The following WDPCP variants were observed in gnomAD, a reference collection of about 807,000 sequenced individuals.
WDPCP encodes WD repeat-containing and planar cell polarity effector protein fritz homolog.
WDPCP carries 71 observed loss-of-function variants against 93.1 expected under a neutral mutation model. The ratio of observed to expected loss-of-function variants is 0.76; its 90% CI spans 0.63 to 0.93. WDPCP has a LOEUF of 0.93. Among genes scored for constraint, WDPCP ranks in the 40% least tolerant of loss-of-function variants. The pLI, the probability that WDPCP is intolerant of heterozygous loss-of-function variation, is 0.00. For synonymous variants in WDPCP, 315 were observed against 315.0 expected (o/e 1.00, Z 0.00); for missense variants, 844 against 887.4 (o/e 0.95, Z 0.62).
At chr2:63,560,597 G>A (rs1056905618) in intron 1 of WDPCP, among the ~76,000 whole-genome samples, 1 of 152,156 alleles carries the variant, frequency 6.6e-6, no homozygotes, top group African/African-American at 2.4e-5. Context: ...GTCCATCAAT[G>A]ATAGACCGGA....
chr2:63,812,791 T>G lies in WDPCP; in HGVS notation n.308+831A>C, dbSNP rs144874581. 5.1e-4 allele frequency among the ~76,000 whole-genome samples: 78 copies of G among 152,310 alleles called. 1 individual carries two copies. The East Asian group carries it at 0.014, about 28-fold the overall frequency. ...TAATACAAATATTTGCTCCCGCTAC[T>G]GTACCCCATCCCTCAAGTTTACAGA... is the stretch of plus-strand genomic sequence containing the variant. On this transcript the variant is annotated intron_variant and non_coding_transcript_variant, in intron 2 of 4. Coordinates refer to the WDPCP transcript ENST00000467687.
intron 2 of WDPCP, among the ~76,000 whole-genome samples, chr2:63,694,624 C>A (rs893892816): frequency 6.6e-6 from 1 of 152,110 alleles, no homozygotes; most frequent in East Asian, 1.9e-4. Flanking sequence ...GGACTCAATT[C>A]CATGTACTGA....
chr2:63,351,459 G>C (rs2176417), intron 12 of WDPCP, among the ~76,000 whole-genome samples: 119,081 of 151,718 alleles, frequency 0.78, 47,341 homozygotes, highest in East Asian at 0.96. Context: ...CACAGTGTCT[G>C]TCGTTCCCAT....
the WDPCP span, among the ~76,000 whole-genome samples, chr2:63,840,265 G>A: frequency 3.3e-5 from 5 of 152,340 alleles, no homozygotes; most frequent in South Asian, 1.0e-3. Flanking sequence ...ACAAGCCGTG[G>A]GCTGGCCCTG....
chr2:63,664,104 G>C (rs1710257900), intron 2 of WDPCP, among the ~76,000 whole-genome samples: 1 of 152,190 alleles, frequency 6.6e-6, no homozygotes, highest in South Asian at 2.1e-4. Flanking sequence ...TGCAGATAGA[G>C]AGGCTCAGAT....
intron 1 of WDPCP, among the ~76,000 whole-genome samples, chr2:63,574,864 T>G (rs985206936): frequency 6.6e-6 from 1 of 152,154 alleles, no homozygotes; most frequent in East Asian, 1.9e-4. Context: ...TCCTGTAAAA[T>G]GGAACTGATT....
intron 2 of WDPCP, among the ~76,000 whole-genome samples, chr2:63,689,476 A>G (rs1369895611): frequency 1.3e-5 from 2 of 152,150 alleles, no homozygotes; most frequent in African/African-American, 4.8e-5. Flanking sequence ...GGTAATTGTG[A>G]CGGATAGTTC....
At chr2:63,415,624 T>G (rs1022594993) in intron 9 of WDPCP, among the ~76,000 whole-genome samples, 1 of 152,212 alleles carries the variant, frequency 6.6e-6, no homozygotes. Flanking sequence ...TGTCTGACTC[T>G]AAAAACTAAG....
At chr2:63,249,845 TTG>T (rs1176613687) in intron 14 of WDPCP, among the ~76,000 whole-genome samples, 1 of 152,214 alleles carries the variant, frequency 6.6e-6, no homozygotes, top group African/African-American at 2.4e-5. Context: ...ACCTTTCTGT[TTG>T]TGTCTTTCAC....
At chr2:63,820,517 T>G (rs2104124228) in intron 1 of WDPCP, among the ~76,000 whole-genome samples, 1 of 152,296 alleles carries the variant, frequency 6.6e-6, no homozygotes, top group East Asian at 1.9e-4. Flanking sequence ...GTTAAGCTTG[T>G]GATGTACTTT....
upstream of WDPCP, chr2:63,589,001 G>A: frequency 6.2e-7 from 1 of 1,614,172 alleles, no homozygotes; most frequent in Non-Finnish European, 8.5e-7. Flanking sequence ...ACTCTCTGAG[G>A]CTCATTTTGC....
chr2:63,383,574 A>G (rs1362960664), intron 10 of WDPCP, among the ~76,000 whole-genome samples: 1 of 152,110 alleles, frequency 6.6e-6, no homozygotes, highest in African/African-American at 2.4e-5. Context: ...TTAGCCAAGC[A>G]TGATGGCAGG....
intron 17 of WDPCP, among the ~76,000 whole-genome samples, chr2:63,126,466 G>C (rs1669909311): frequency 6.6e-6 from 1 of 152,148 alleles, no homozygotes; most frequent in South Asian, 2.1e-4. Flanking sequence ...GTGTGTAGCA[G>C]TGAGGAGGTA....
chr2:63,294,335 T>A (rs768847747), intron 13 of WDPCP, among the ~76,000 whole-genome samples: 2 of 151,532 alleles, frequency 1.3e-5, no homozygotes, highest in African/African-American at 2.4e-5. Context: ...AAACCCCATC[T>A]CTACTAAAAA....
chr2:63,590,791 G>T (rs1709183930), upstream of WDPCP: 1 of 152,156 alleles, frequency 6.6e-6, no homozygotes, highest in Admixed American at 6.5e-5. Context: ...CTGGCAGTTT[G>T]CTGGAACTGA....
At chr2:63,673,036 A>G (rs1351570626) in intron 2 of WDPCP, among the ~76,000 whole-genome samples, 1 of 152,150 alleles carries the variant, frequency 6.6e-6, no homozygotes, top group Non-Finnish European at 1.5e-5. Flanking sequence ...TACAGGTGTG[A>G]GCCATTGCTC....
chr2:63,719,020 T>A (rs1203124533), intron 2 of WDPCP, among the ~76,000 whole-genome samples: 2 of 152,154 alleles, frequency 1.3e-5, no homozygotes, highest in Non-Finnish European at 2.9e-5. Context: ...AAAGAAGATA[T>A]GGAAAATTTA....
chr2:63,464,735 C>T (rs758258309), intron 6 of WDPCP, among the ~76,000 whole-genome samples: 2 of 151,910 alleles, frequency 1.3e-5, no homozygotes, highest in East Asian at 1.9e-4. Flanking sequence ...TCACATGCTA[C>T]GACACGGATG....
intron 17 of WDPCP, among the ~76,000 whole-genome samples, chr2:63,136,179 T>C (rs1277739921): frequency 6.6e-6 from 1 of 152,094 alleles, no homozygotes; most frequent in Non-Finnish European, 1.5e-5. Context: ...TCTCTCTCTC[T>C]ATATATATTC....
Sources: gnomAD v4.1 joint callset for allele counts (sites outside exome capture counted in the v4.1 genomes callset) on GRCh38, gnomAD v4.1.1 for gene constraint, MANE v1.5 for transcripts, NCBI Gene and HGNC (gene_info 2026-07-23, HGNC 2026-07-21) for gene names.